STK39: variants seen among roughly 807,000 people sequenced by gnomAD.
STK39 encodes the protein STE20/SPS1-related proline-alanine-rich protein kinase.
A neutral mutation model predicts 77.8 loss-of-function variants in STK39; 20 were observed. The observed-to-expected ratio is 0.26, with a 90% CI of 0.18 to 0.37. The LOEUF (loss-of-function observed/expected upper bound fraction) is 0.37, where lower values mean the gene tolerates loss of function less well. STK39 is among the 10% of genes least tolerant of loss of function. The pLI is 1.00. For missense variants in STK39, 479 were observed against 656.5 expected (o/e 0.73, Z 2.95); for synonymous variants, 246 against 234.1 (o/e 1.05, Z -0.47).
intron 16 of STK39, among the ~76,000 whole-genome samples, chr2:167,965,098 A>G (rs1040084745): frequency 6.8e-6 from 1 of 147,694 alleles, no homozygotes; most frequent in African/African-American, 2.5e-5. Context: ...AGGGCAGTAC[A>G]AAACAAAGAG....
At chr2:167,957,323 TG>T (rs1235459297) in intron 17 of STK39, among the ~76,000 whole-genome samples, 1 of 152,194 alleles carries the variant, frequency 6.6e-6, no homozygotes, top group Non-Finnish European at 1.5e-5. Flanking sequence ...GAAGTAAAAT[TG>T]TCATTGTTTG....
intron 14 of STK39, among the ~76,000 whole-genome samples, chr2:168,042,611 C>T (rs933649860): frequency 6.8e-6 from 1 of 147,032 alleles, no homozygotes; most frequent in South Asian, 2.2e-4. Context: ...GATGGAGTCT[C>T]GCTCTGTCAC....
At chr2:168,055,154 G>GA (rs1451410355) in intron 14 of STK39, among the ~76,000 whole-genome samples, 3 of 152,202 alleles carry the variant, frequency 2.0e-5, no homozygotes, top group East Asian at 3.9e-4. Flanking sequence ...ACCTTTCAGG[G>GA]AAAAAATTAA....
intron 16 of STK39, among the ~76,000 whole-genome samples, chr2:168,000,463 C>T (rs1683971402): frequency 6.6e-6 from 1 of 152,160 alleles, no homozygotes; most frequent in African/African-American, 2.4e-5. Flanking sequence ...TATGCTTCCC[C>T]GGAGTAATGC....
intron 2 of STK39, among the ~76,000 whole-genome samples, chr2:168,177,777 A>C (rs1327205251): frequency 6.6e-6 from 1 of 152,196 alleles, no homozygotes; most frequent in Non-Finnish European, 1.5e-5. Flanking sequence ...GACACAGAAT[A>C]TACTAGTTTG....
At chr2:168,131,641 T>C (rs937879443) in intron 8 of STK39, among the ~76,000 whole-genome samples, 3 of 152,178 alleles carry the variant, frequency 2.0e-5, no homozygotes, top group African/African-American at 7.2e-5. Context: ...GGAACACTGG[T>C]TATGGGTAGG....
chr2:167,958,199 C>T (rs1019094948), intron 17 of STK39, among the ~76,000 whole-genome samples: 1 of 152,074 alleles, frequency 6.6e-6, no homozygotes, highest in Non-Finnish European at 1.5e-5. Flanking sequence ...AAAGTGTCTG[C>T]TTATGTGGGT....
intron 5 of STK39, among the ~76,000 whole-genome samples, chr2:168,159,337 C>A (rs961609533): frequency 1.3e-5 from 2 of 152,082 alleles, no homozygotes; most frequent in Non-Finnish European, 2.9e-5. Flanking sequence ...TCACCCCTGC[C>A]GTTGCTGAGT....
chr2:168,154,458 C>T (rs4668032), intron 5 of STK39, among the ~76,000 whole-genome samples: 61,648 of 152,034 alleles, frequency 0.41, 14,258 homozygotes, highest in East Asian at 0.67. Flanking sequence ...TCATATTCCA[C>T]AGAATGTAAA....
At chr2:168,106,003 G>A (rs1016422941) in intron 10 of STK39, among the ~76,000 whole-genome samples, 10 of 152,148 alleles carry the variant, frequency 6.6e-5, no homozygotes, top group African/African-American at 1.9e-4. Flanking sequence ...TTGCTCTGTC[G>A]CCAGACTGGA....
chr2:168,243,710 A>T (rs1690829872), intron 1 of STK39, among the ~76,000 whole-genome samples: 1 of 152,224 alleles, frequency 6.6e-6, no homozygotes, highest in Non-Finnish European at 1.5e-5. Context: ...CAATTCTTTG[A>T]ATGAGAAGTT....
intron 14 of STK39, among the ~76,000 whole-genome samples, chr2:168,042,507 T>A (rs759956074): frequency 3.9e-5 from 6 of 152,012 alleles, no homozygotes; most frequent in Non-Finnish European, 7.4e-5. Flanking sequence ...GGGGTTACAA[T>A]GGAGTCTGGG....
intron 16 of STK39, among the ~76,000 whole-genome samples, chr2:168,002,609 C>T (rs564337701): frequency 1.1e-4 from 16 of 152,256 alleles, no homozygotes; most frequent in East Asian, 3.9e-4. Flanking sequence ...TTCTTTCCTC[C>T]GCTTAATTCC....
chr2:168,130,207 C>T (rs191613704), intron 8 of STK39, among the ~76,000 whole-genome samples: 98 of 152,328 alleles, frequency 6.4e-4, no homozygotes, highest in African/African-American at 2.2e-3. Flanking sequence ...ATCGTGTCCA[C>T]GCTCTGTTTG....
At chr2:168,057,766 G>A (rs2105375944) in intron 14 of STK39, among the ~76,000 whole-genome samples, 1 of 152,096 alleles carries the variant, frequency 6.6e-6, no homozygotes, top group East Asian at 1.9e-4. Flanking sequence ...GTTTTACTGG[G>A]AAAATAGAAA....
At chr2:168,030,848 G>C (rs578230627) in intron 14 of STK39, among the ~76,000 whole-genome samples, 2 of 152,252 alleles carry the variant, frequency 1.3e-5, no homozygotes, top group South Asian at 2.1e-4. Context: ...ATACATAGTT[G>C]CACAGAAAGT....
chr2:168,241,456 G>C (rs538519557), intron 1 of STK39, among the ~76,000 whole-genome samples: 4 of 152,310 alleles, frequency 2.6e-5, no homozygotes, highest in African/African-American at 9.6e-5. Context: ...TCACTTGTCA[G>C]AGGGCCATTT....
At chr2:168,246,433 C>G (rs1018435895) in intron 1 of STK39, among the ~76,000 whole-genome samples, 1 of 152,256 alleles carries the variant, frequency 6.6e-6, no homozygotes, top group Non-Finnish European at 1.5e-5. Flanking sequence ...AGGCAGAGAG[C>G]AGATCACCGG....
In STK39 at chr2:167,973,869, G is replaced by A. The variant is rs562561941; in HGVS notation, c.1499-9143C>T. Among the ~76,000 whole-genome samples the A allele has an allele frequency of 4.4e-4, 67 of 152,202 alleles. 1 individual carries two copies. The South Asian group carries it at 9.1e-3, about 21-fold the overall frequency. ...GACTAAATTTAAAGGTGTATTTTCC[G>A]TAAACTGAACATTGAAATAAAAGCA... On this transcript the variant is annotated intron_variant, in intron 16 of 17. Transcript: ENST00000355999.
Sources: gnomAD v4.1 joint callset for allele counts (sites outside exome capture counted in the v4.1 genomes callset) on GRCh38, gnomAD v4.1.1 for gene constraint, MANE v1.5 for transcripts, NCBI Gene and HGNC (gene_info 2026-07-23, HGNC 2026-07-21) for gene names.